Variants in RERE observed in about 807,000 individuals in gnomAD.
RERE encodes the protein arginine-glutamic acid dipeptide repeats, also known as arginine-glutamic acid dipeptide repeats protein.
A neutral mutation model predicts 146.1 loss-of-function variants in RERE; 40 were observed. The observed-to-expected ratio is 0.27, with a 90% CI of 0.21 to 0.36. RERE has a LOEUF of 0.36. Among genes scored for constraint, RERE ranks in the 10% least tolerant of loss-of-function variants. RERE has a pLI of 1.00. For missense variants in RERE, 1,933 were observed against 2,138.7 expected (o/e 0.90, Z 1.90); for synonymous variants, 1,003 against 866.0 (o/e 1.16, Z -2.78).
At chr1:8,701,844 T>A (rs1207602861) in intron 1 of RERE, among the ~76,000 whole-genome samples, 1 of 152,190 alleles carries the variant, frequency 6.6e-6, no homozygotes, top group African/African-American at 2.4e-5. Context: ...ATTGTGAAGC[T>A]GCTGTTAAGC....
At chr1:8,781,409 C>CTGTG (rs1282672724) in intron 1 of RERE, among the ~76,000 whole-genome samples, 4 of 151,798 alleles carry the variant, frequency 2.6e-5, no homozygotes, top group Admixed American at 6.6e-5. Flanking sequence ...TGGCACACGC[C>CTGTG]TGTGTCCCAG....
At chr1:8,669,024 CTGTGTGTGTGTG>C (rs59647434) in intron 1 of RERE, among the ~76,000 whole-genome samples, 662 of 43,806 alleles carry the variant, frequency 0.015, 18 homozygotes, top group African/African-American at 0.045. Flanking sequence ...GCACTCAACT[CTGTGTGTGTGTG>C]TGTGTGTGTG....
intron 10 of RERE, among the ~76,000 whole-genome samples, chr1:8,479,163 C>A (rs1644799119): frequency 6.6e-6 from 1 of 152,030 alleles, no homozygotes; most frequent in African/African-American, 2.4e-5. Context: ...GGCAAGAGGA[C>A]TTCTTGAGGC....
intron 1 of RERE, among the ~76,000 whole-genome samples, chr1:8,751,951 C>CAA (rs34734074): frequency 1.1e-3 from 145 of 131,154 alleles, no homozygotes; most frequent in Non-Finnish European, 1.2e-3. Flanking sequence ...TTTAAGATTG[C>CAA]AAAAAAAAAA....
Position 8,356,348 on chromosome 1 carries a change from C to T in RERE, c.4340-102G>A. On this transcript the variant is annotated intron_variant, in intron 20 of 22. Transcript: ENST00000400908. The surrounding 1 kb of genome is among the most constrained non-coding windows in gnomAD (Gnocchi z 5.2). ...ATGACTTCCTCCTCACCCAGGATGGCTCCTGGTCACCAGGGCTGGATGCAC... is the reference window on the plus strand; with the variant it reads ...ATGACTTCCTCCTCACCCAGGATGGTTCCTGGTCACCAGGGCTGGATGCAC... 1.5e-6 allele frequency: 2 copies of T among 1,294,172 alleles called. No homozygotes were observed. The highest frequency in any genetic ancestry group is 2.0e-6 in the Non-Finnish European group (2 of 995,506). 80.2% of individuals were successfully genotyped at this position (1,294,172 alleles called of 1,614,324 possible). A position where few individuals can be genotyped will look rare whatever the true frequency, so the allele number is the denominator to read the frequency against.
intron 1 of RERE, among the ~76,000 whole-genome samples, chr1:8,708,905 G>GTTT (rs35403792): frequency 0.012 from 896 of 72,348 alleles, 64 homozygotes; most frequent in Non-Finnish European, 0.015. Context: ...AAACTCTGGA[G>GTTT]TTTTTTTTTT....
At chr1:8,418,698 A>C (rs1166869597) in intron 12 of RERE, among the ~76,000 whole-genome samples, 1 of 152,256 alleles carries the variant, frequency 6.6e-6, no homozygotes. Context: ...ATTTTGAAGA[A>C]AACTGCAATG....
chr1:8,361,947 G>A, intron 16 of RERE, 71 bp from the exon 17 acceptor site: 2 of 1,145,428 alleles, frequency 1.7e-6, no homozygotes, highest in Non-Finnish European at 2.6e-6. Flanking sequence ...GCAAGGAAAT[G>A]ACGGTTTGCA....
intron 1 of RERE, among the ~76,000 whole-genome samples, chr1:8,775,573 G>GAT (rs1641048528): frequency 6.6e-6 from 1 of 152,178 alleles, no homozygotes; most frequent in Non-Finnish European, 1.5e-5. Context: ...AACACAGTAA[G>GAT]ATCTTGCCTT....
chr1:8,695,332 A>C (rs754113224), intron 1 of RERE, among the ~76,000 whole-genome samples: 1 of 152,052 alleles, frequency 6.6e-6, no homozygotes, highest in Non-Finnish European at 1.5e-5. Context: ...CCTAAAAAAC[A>C]CCATTCCGAC....
intron 7 of RERE, among the ~76,000 whole-genome samples, chr1:8,531,103 A>G (rs12131864): frequency 0.59 from 88,985 of 150,626 alleles, 26,727 homozygotes; most frequent in East Asian, 0.83. Context: ...CTTTCTATCT[A>G]TCTGTCCATC....
At chr1:8,408,525 T>C (rs1179731575) in intron 12 of RERE, among the ~76,000 whole-genome samples, 4 of 151,560 alleles carry the variant, frequency 2.6e-5, no homozygotes, top group Non-Finnish European at 4.4e-5. Context: ...GTGGGAGGGG[T>C]TCTTAAAACG....
intron 2 of RERE, among the ~76,000 whole-genome samples, chr1:8,646,291 G>A (rs1420641624): frequency 2.6e-5 from 4 of 152,186 alleles, no homozygotes; most frequent in Admixed American, 6.5e-5. Context: ...AACACTTTGA[G>A]ATGCTGAGGC....
chr1:8,495,381 C>T (rs1378253752), intron 9 of RERE, among the ~76,000 whole-genome samples: 21 of 151,370 alleles, frequency 1.4e-4, no homozygotes, highest in Non-Finnish European at 2.9e-5. Flanking sequence ...GTGGCGCAAT[C>T]TTGGCTCACT....
At chr1:8,758,211 G>A (rs890384933) in intron 1 of RERE, among the ~76,000 whole-genome samples, 2 of 151,160 alleles carry the variant, frequency 1.3e-5, no homozygotes, top group African/African-American at 4.9e-5. Context: ...TGAGTCTCTC[G>A]AGTAGCTGGG....
intron 12 of RERE, among the ~76,000 whole-genome samples, chr1:8,407,368 T>A (rs1643476909): frequency 6.6e-6 from 1 of 152,184 alleles, no homozygotes; most frequent in South Asian, 2.1e-4. Flanking sequence ...TATGAGACAG[T>A]TCGCATCTCA....
chr1:8,798,248 T>C (rs1286341874), intron 1 of RERE, among the ~76,000 whole-genome samples: 1 of 151,660 alleles, frequency 6.6e-6, no homozygotes, highest in Non-Finnish European at 1.5e-5. Flanking sequence ...TAGAAAAAAA[T>C]TAGCCAGGCA....
chr1:8,691,143 G>A (rs966282390), intron 1 of RERE, among the ~76,000 whole-genome samples: 2 of 152,044 alleles, frequency 1.3e-5, no homozygotes, highest in Non-Finnish European at 2.9e-5. Flanking sequence ...TGATCTGCCC[G>A]CCTCCACCTC....
intron 2 of RERE, among the ~76,000 whole-genome samples, chr1:8,632,458 C>T (rs1647046878): frequency 6.6e-6 from 1 of 152,132 alleles, no homozygotes; most frequent in Admixed American, 6.5e-5. Flanking sequence ...TCTTATTTGG[C>T]AAATGATTTT....
Sources: gnomAD v4.1 joint callset for allele counts (sites outside exome capture counted in the v4.1 genomes callset) on GRCh38, gnomAD v4.1.1 for gene constraint, Gnocchi (gnomAD v3.1) non-coding constraint, MANE v1.5 for transcripts, NCBI Gene and HGNC (gene_info 2026-07-23, HGNC 2026-07-21) for gene names.